NHSL1: variants seen among roughly 807,000 people sequenced by gnomAD.
NHSL1 encodes NHS like 1, also known as NHS-like protein 1.
Under a neutral mutation model 95.0 loss-of-function variants are expected in NHSL1, and 48 were observed. The observed-to-expected ratio is 0.51, with a 90% CI of 0.40 to 0.64. The LOEUF is 0.64. Ranked by LOEUF, NHSL1 falls within the 30% of genes least tolerant of loss-of-function variation. The pLI is 0.00. For missense variants in NHSL1, 1,971 were observed against 2,077.7 expected (o/e 0.95, Z 1.00); for synonymous variants, 783 against 833.9 (o/e 0.94, Z 1.05).
At chr6:138,585,539 T>C (rs919202855) in intron 1 of NHSL1, among the ~76,000 whole-genome samples, 5 of 152,146 alleles carry the variant, frequency 3.3e-5, no homozygotes, top group African/African-American at 1.2e-4. Context: ...TTTAAACGAC[T>C]GAAAAATTTT....
At chr6:138,681,863 C>G (rs185615872) in intron 1 of NHSL1, among the ~76,000 whole-genome samples, 1 of 152,164 alleles carries the variant, frequency 6.6e-6, no homozygotes. Flanking sequence ...TTACTGATAA[C>G]ACCTTTAACA....
At chr6:138,499,533 G>C (rs1262363334), upstream of NHSL1, 1 of 760,596 alleles carries the variant, frequency 1.3e-6, no homozygotes, top group East Asian at 4.1e-5. Flanking sequence ...AAGGCTGAGA[G>C]CAGCCAGTGA....
intron 1 of NHSL1, among the ~76,000 whole-genome samples, chr6:138,678,739 G>A (rs1279795925): frequency 6.6e-6 from 1 of 152,146 alleles, no homozygotes; most frequent in Non-Finnish European, 1.5e-5. Flanking sequence ...AAAATGGAGG[G>A]TTGGTAATGT....
chr6:138,505,527 T>C (rs984799396), intron 1 of NHSL1, among the ~76,000 whole-genome samples: 3 of 151,698 alleles, frequency 2.0e-5, no homozygotes, highest in African/African-American at 7.3e-5. Flanking sequence ...TGGTGGCACG[T>C]GCCTGTAGTC....
intron 1 of NHSL1, among the ~76,000 whole-genome samples, chr6:138,684,640 G>A (rs569346051): frequency 1.2e-3 from 180 of 147,748 alleles, no homozygotes; most frequent in African/African-American, 4.2e-3. Context: ...GTGAGACTCC[G>A]TCTCAGAAAA....
At chr6:138,603,168 G>A (rs1394552003) in intron 1 of NHSL1, among the ~76,000 whole-genome samples, 50 of 152,094 alleles carry the variant, frequency 3.3e-4, no homozygotes, top group Admixed American at 3.2e-3. Flanking sequence ...ATTGAGAGGG[G>A]ATTATTTATA....
At chr6:138,658,385 T>A (rs1162702164) in intron 1 of NHSL1, among the ~76,000 whole-genome samples, 2 of 152,208 alleles carry the variant, frequency 1.3e-5, no homozygotes, top group African/African-American at 4.8e-5. Flanking sequence ...GTAACACCAT[T>A]GTACTCTGTA....
intron 1 of NHSL1, among the ~76,000 whole-genome samples, chr6:138,615,715 C>T (rs1427837168): frequency 1.3e-5 from 2 of 152,258 alleles, no homozygotes; most frequent in Non-Finnish European, 2.9e-5. Flanking sequence ...TCATGATCCG[C>T]CTGCCTTGGC....
intron 1 of NHSL1, among the ~76,000 whole-genome samples, chr6:138,609,318 G>A (rs1784476345): frequency 6.6e-6 from 1 of 152,146 alleles, no homozygotes; most frequent in Non-Finnish European, 1.5e-5. Flanking sequence ...GTGAGACGCA[G>A]AGTCGAGGCT....
intron 1 of NHSL1, among the ~76,000 whole-genome samples, chr6:138,601,794 G>C (rs563654772): frequency 6.6e-5 from 10 of 151,920 alleles, no homozygotes; most frequent in African/African-American, 2.4e-4. Flanking sequence ...CCTGGCGACA[G>C]AGCGAGACTC....
chr6:138,444,627 G>C (rs2128218291), intron 4 of NHSL1, among the ~76,000 whole-genome samples: 1 of 151,120 alleles, frequency 6.6e-6, no homozygotes, highest in South Asian at 2.1e-4. Context: ...TCAAACTAGA[G>C]GCTCAATGCT....
chr6:138,464,739 G>T (rs983410274), intron 3 of NHSL1, among the ~76,000 whole-genome samples: 2 of 112,192 alleles, frequency 1.8e-5, no homozygotes, highest in Non-Finnish European at 3.3e-5. Context: ...TTGAGACAGA[G>T]TCTGGCTCTG....
intron 1 of NHSL1, among the ~76,000 whole-genome samples, chr6:138,559,235 T>A (rs1013402469): frequency 6.6e-6 from 1 of 152,190 alleles, no homozygotes; most frequent in African/African-American, 2.4e-5. Context: ...GACAGAGAAA[T>A]CTACAGGATC....
chr6:138,531,522 T>C (rs1260869098), intron 1 of NHSL1, among the ~76,000 whole-genome samples: 5 of 147,508 alleles, frequency 3.4e-5, no homozygotes, highest in Non-Finnish European at 7.6e-5. Flanking sequence ...TTCTCTCTCT[T>C]TTTTTTTTTT....
intron 1 of NHSL1, among the ~76,000 whole-genome samples, chr6:138,604,218 A>C (rs1222861694): frequency 1.3e-5 from 2 of 152,222 alleles, no homozygotes; most frequent in Admixed American, 1.3e-4. Flanking sequence ...AAGAAAAATA[A>C]AGAAGTTTGA....
intron 1 of NHSL1, among the ~76,000 whole-genome samples, chr6:138,510,513 A>G (rs926603112): frequency 2.6e-5 from 4 of 152,224 alleles, no homozygotes; most frequent in Non-Finnish European, 2.9e-5. Context: ...CACAGCAGCA[A>G]AATTCTCCAA....
chr6:138,494,342 T>C (rs1053566918), intron 2 of NHSL1, among the ~76,000 whole-genome samples: 1 of 152,214 alleles, frequency 6.6e-6, no homozygotes. Context: ...CAGTTAAGAA[T>C]ATGAGCTCCA....
upstream of NHSL1, among the ~76,000 whole-genome samples, chr6:138,500,943 A>G (rs1780641957): frequency 6.6e-6 from 1 of 152,238 alleles, no homozygotes; most frequent in African/African-American, 2.4e-5. Context: ...ATGAGAAACG[A>G]CTGAGCCTGT....
chr6:138,454,190 C>CGCGCATGTGT (rs144366744), intron 3 of NHSL1, among the ~76,000 whole-genome samples: 1 of 151,152 alleles, frequency 6.6e-6, no homozygotes, highest in Middle Eastern at 3.2e-3. Context: ...TATATGTGTG[C>CGCGCATGTGT]GTGTGTGTGT....
Sources: allele counts gnomAD v4.1 joint callset (sites outside exome capture counted in the v4.1 genomes callset), GRCh38; gene constraint gnomAD v4.1.1; transcripts MANE v1.5; gene names NCBI Gene and HGNC (gene_info 2026-07-23, HGNC 2026-07-21).